Variants in IGFBP2 observed in about 807,000 individuals in gnomAD.
IGFBP2 encodes insulin like growth factor binding protein 2, also known as insulin-like growth factor-binding protein 2.
IGFBP2 carries 12 observed loss-of-function variants against 26.2 expected under a neutral mutation model. The ratio of observed to expected loss-of-function variants is 0.46; its 90% CI spans 0.29 to 0.74. The LOEUF is 0.74. Ranked by LOEUF, IGFBP2 falls within the 30% of genes least tolerant of loss-of-function variation. The pLI, the probability that IGFBP2 is intolerant of heterozygous loss-of-function variation, is 0.09. For missense variants in IGFBP2, 328 were observed against 441.2 expected (o/e 0.74, Z 2.30); for synonymous variants, 189 against 200.6 (o/e 0.94, Z 0.49).
intron 1 of IGFBP2, among the ~76,000 whole-genome samples, chr2:216,634,892 C>CTTTTT (rs1191096035): frequency 2.5e-4 from 6 of 23,784 alleles, no homozygotes; most frequent in African/African-American, 3.6e-4. Context: ...AAGGAGGTTA[C>CTTTTT]TTTTTTTTTT....
At chr2:216,660,501 G>T in intron 1 of IGFBP2, 56 bp from the exon 2 acceptor site, 2 of 1,387,860 alleles carry the variant, frequency 1.4e-6, no homozygotes, top group Non-Finnish European at 9.9e-7. Flanking sequence ...CTCCCGGAGG[G>T]CACGTCTCTC....
chr2:216,646,670 T>A (rs993318947), intron 1 of IGFBP2, among the ~76,000 whole-genome samples: 7 of 152,306 alleles, frequency 4.6e-5, no homozygotes, highest in Admixed American at 2.0e-4. Context: ...TGAAGGCACG[T>A]CTCACATGGT....
intron 1 of IGFBP2, among the ~76,000 whole-genome samples, chr2:216,639,391 G>A (rs1268185407): frequency 1.3e-5 from 2 of 152,044 alleles, no homozygotes; most frequent in African/African-American, 4.8e-5. Flanking sequence ...CAAAGGGAAT[G>A]GAGAACAGGT....
intron 1 of IGFBP2, among the ~76,000 whole-genome samples, chr2:216,635,100 G>GC (rs1478869713): frequency 4.0e-5 from 6 of 150,708 alleles, no homozygotes; most frequent in Non-Finnish European, 3.0e-5. Context: ...GTCTTCGTAA[G>GC]CCCCCCACCC....
Position 216,662,046 on chromosome 2 carries a change from G to A in IGFBP2, c.813+48G>A, listed in dbSNP as rs777137630. 8 of 1,600,784 alleles carry A rather than the reference G, an allele frequency of 5.0e-6. No individual in the cohort carries two copies. In the East Asian group the frequency reaches 1.8e-4, roughly 36 times the overall value. On this transcript the variant is annotated intron_variant, in intron 3 of 3. Transcript: ENST00000233809. ...CCAGAGCAGCTCCTCCTCAGCCCTG[G>A]GCCCCAGATGTGCCTTGTTTCTGCC...
At chr2:216,661,623 G>C in intron 2 of IGFBP2, 1 of 606,696 alleles carries the variant, frequency 1.6e-6, no homozygotes, top group African/African-American at 1.8e-5. Context: ...ACAGAACAAG[G>C]AGAGGAGTGA....
chr2:216,659,739 G>C (rs1303292600), intron 1 of IGFBP2: 1 of 1,535,664 alleles, frequency 6.5e-7, no homozygotes. Context: ...GAAGCTTCAT[G>C]CCCTGCAGTA....
intron 1 of IGFBP2, among the ~76,000 whole-genome samples, chr2:216,636,332 T>C (rs1241117978): frequency 2.0e-5 from 3 of 152,180 alleles, no homozygotes; most frequent in Non-Finnish European, 4.4e-5. Context: ...ATTTTAAACA[T>C]ACCCTCTTAT....
At chr2:216,649,378 C>T (rs1697774829) in intron 1 of IGFBP2, among the ~76,000 whole-genome samples, 1 of 152,162 alleles carries the variant, frequency 6.6e-6, no homozygotes, top group African/African-American at 2.4e-5. Context: ...ACAAGTAATG[C>T]TGTAATGACC....
chr2:216,634,906 T>TTTTTTTTTTAA (rs371560018), intron 1 of IGFBP2, among the ~76,000 whole-genome samples: 9 of 128,520 alleles, frequency 7.0e-5, no homozygotes, highest in East Asian at 2.6e-4. Flanking sequence ...TTTTTTTTTT[T>TTTTTTTTTTAA]AATTACGAAA....
intron 1 of IGFBP2, among the ~76,000 whole-genome samples, chr2:216,642,306 ATT>A (rs78737054): frequency 6.4e-5 from 6 of 93,788 alleles, no homozygotes; most frequent in Non-Finnish European, 1.3e-4. Context: ...CTAGGCTTGC[ATT>A]TTTTTTTTTT....
intron 1 of IGFBP2, among the ~76,000 whole-genome samples, chr2:216,650,439 C>G (rs1697796907): frequency 6.6e-6 from 1 of 152,176 alleles, no homozygotes; most frequent in African/African-American, 2.4e-5. Context: ...AGCTGGTGCT[C>G]CAAAGGAAAT....
rs1697994766 is a variant in IGFBP2 at position 216,659,688 on chromosome 2, G to A, written c.443-869G>A. On this transcript the variant is annotated intron_variant, in intron 1 of 3. Coordinates refer to ENST00000233809, the MANE Select transcript of IGFBP2 (RefSeq NM_000597.3). ...CTGTGCATACAAAAGGTTGAAGAAA[G>A]TATAAGGAGACTTAATGGACGCTTG... is the stretch of plus-strand genomic sequence containing the variant. 3 of 1,530,502 alleles carry A rather than the reference G, an allele frequency of 2.0e-6. No homozygotes were observed. The Admixed American group carries it at 5.9e-5, about 30-fold the overall frequency. The allele number at this position is 1,530,502 out of a possible 1,614,324, so 94.8% of individuals were successfully genotyped here.
intron 1 of IGFBP2, among the ~76,000 whole-genome samples, chr2:216,656,028 A>G (rs1041018027): frequency 6.6e-6 from 1 of 152,198 alleles, no homozygotes; most frequent in Admixed American, 6.5e-5. Flanking sequence ...AGAAATAAAA[A>G]TATGTCCTAG....
chr2:216,648,125 T>A (rs1413958626), intron 1 of IGFBP2, among the ~76,000 whole-genome samples: 2 of 152,228 alleles, frequency 1.3e-5, no homozygotes, highest in Non-Finnish European at 2.9e-5. Context: ...GGCTTCTAAC[T>A]TGGATCTCTC....
At chr2:216,663,701 G>A (rs1688702002) in intron 3 of IGFBP2, 2 of 439,418 alleles carry the variant, frequency 4.6e-6, no homozygotes, top group Non-Finnish European at 8.2e-6. Flanking sequence ...CCCTGGGCGG[G>A]CAGCATCAGC....
At chr2:216,654,875 A>G (rs532648498) in intron 1 of IGFBP2, among the ~76,000 whole-genome samples, 1 of 152,100 alleles carries the variant, frequency 6.6e-6, no homozygotes, top group Non-Finnish European at 1.5e-5. Flanking sequence ...TTCACCTCAG[A>G]GAGTTTGGGA....
Position 216,664,059 on chromosome 2 carries a change from T to G in IGFBP2, c.933T>G (p.Asn311Lys). The part of the protein sequence containing the change: ...RGDPECHLFY[N>K]EQQEARGVHT... ...ACCCCGAGTGTCATCTCTTCTACAA[T>G]GAGCAGCAGGAGGCTCGCGGGGTGC... is the stretch of plus-strand genomic sequence containing the variant. Residue 311 changes from asparagine (N) to lysine (K), a missense_variant, in exon 4 of 4, where the codon AAT becomes AAG. Transcript: ENST00000233809. The surrounding 1 kb of genome is among the most constrained non-coding windows in gnomAD (Gnocchi z 4.6). 3.1e-6 allele frequency: 5 copies of G among 1,613,576 alleles called. No homozygotes were observed. Among genetic ancestry groups the G allele is most frequent in the Non-Finnish European group, 4.2e-6 (5 of 1,179,870 alleles).
intron 1 of IGFBP2, among the ~76,000 whole-genome samples, chr2:216,644,551 AAG>A (rs943672565): frequency 2.6e-5 from 4 of 151,936 alleles, no homozygotes; most frequent in African/African-American, 7.3e-5. Flanking sequence ...AGAAGTTGAG[AAG>A]AGGGGGGTGT....
Sources: allele counts gnomAD v4.1 joint callset (sites outside exome capture counted in the v4.1 genomes callset), GRCh38; gene constraint gnomAD v4.1.1; non-coding constraint Gnocchi (gnomAD v3.1); transcripts MANE v1.5; gene names NCBI Gene and HGNC (gene_info 2026-07-23, HGNC 2026-07-21).